PHC2: variants seen among roughly 807,000 people sequenced by gnomAD.
The protein encoded by PHC2 is polyhomeotic-like protein 2.
PHC2 carries 29 observed loss-of-function variants against 87.4 expected under a neutral mutation model. That is an observed-to-expected ratio of 0.33 (90% CI 0.25 to 0.45). The LOEUF is 0.45. Ranked by LOEUF, PHC2 falls within the 20% of genes least tolerant of loss-of-function variation. The pLI, the probability that PHC2 is intolerant of heterozygous loss-of-function variation, is 1.00. For synonymous variants in PHC2, 438 were observed against 461.7 expected, an observed-to-expected ratio of 0.95 and a Z score of 0.66; for missense variants, 857 against 1,136.7, an observed-to-expected ratio of 0.75 and a Z score of 3.54.
At chr1:33,405,258 T>C (rs1649709004) in intron 1 of PHC2, among the ~76,000 whole-genome samples, 1 of 151,910 alleles carries the variant, frequency 6.6e-6, no homozygotes, top group African/African-American at 2.4e-5. Context: ...TGGCGCAATC[T>C]TGGCTCGCTG....
At chr1:33,400,711 C>A (rs1174708055) in intron 1 of PHC2, among the ~76,000 whole-genome samples, 12 of 152,162 alleles carry the variant, frequency 7.9e-5, no homozygotes, top group Non-Finnish European at 1.3e-4. Context: ...ACATCCACAT[C>A]TATACATATG....
intron 1 of PHC2, among the ~76,000 whole-genome samples, chr1:33,386,220 T>TA (rs1047711633): frequency 8.6e-5 from 13 of 150,766 alleles, no homozygotes; most frequent in African/African-American, 2.9e-4. Context: ...AAGACTGCTA[T>TA]AAAAAAAAGA....
intron 1 of PHC2, among the ~76,000 whole-genome samples, chr1:33,406,619 T>C (rs1286103976): frequency 1.3e-5 from 2 of 152,196 alleles, no homozygotes; most frequent in African/African-American, 2.4e-5. Context: ...AGTATGACAA[T>C]CTTTGTCTTT....
chr1:33,386,848 C>G (rs1648786204), intron 1 of PHC2, among the ~76,000 whole-genome samples: 1 of 152,182 alleles, frequency 6.6e-6, no homozygotes, highest in African/African-American at 2.4e-5. Flanking sequence ...ACAGCACATA[C>G]ACAAAGTGCA....
At chr1:33,408,601 C>T (rs551808925) in intron 1 of PHC2, among the ~76,000 whole-genome samples, 1 of 152,256 alleles carries the variant, frequency 6.6e-6, no homozygotes, top group African/African-American at 2.4e-5. Flanking sequence ...GCTGGGACTA[C>T]AGGCATGTGC....
intron 9 of PHC2, among the ~76,000 whole-genome samples, chr1:33,350,869 G>A (rs941037520): frequency 5.3e-5 from 8 of 151,934 alleles, no homozygotes; most frequent in African/African-American, 1.9e-4. Flanking sequence ...CTCTGCCTCT[G>A]CATTTCTTAC....
chr1:33,325,962 C>T (rs1298556666), intron 14 of PHC2: 1 of 449,256 alleles, frequency 2.2e-6, no homozygotes, highest in Non-Finnish European at 4.5e-6. Context: ...CTGGGGAGGC[C>T]TAAAGGAAAG....
At chr1:33,351,032 C>T (rs2148269492) in intron 9 of PHC2, among the ~76,000 whole-genome samples, 1 of 152,298 alleles carries the variant, frequency 6.6e-6, no homozygotes, top group Non-Finnish European at 1.5e-5. Flanking sequence ...CAGGTCCTAC[C>T]TATCCTTCAA....
rs1647047266 is a variant in PHC2, at chr1:33,355,149, G to T, written c.1081C>A (p.Pro361Thr). ...QQQPQPQQQQPPPQQSRPVLQ... is the reference protein window; with the variant it reads ...QQQPQPQQQQTPPQQSRPVLQ... ...ACAGGCCGTGACTGCTGGGGCGGCG[G>T]CTGCTGCTGTTGTGGCTGTGGCTGC... Residue 361 changes from proline (P) to threonine (T), a missense_variant, in exon 8 of 15, where the codon CCG becomes ACG. By Grantham distance (38) the Pro-to-Thr change is conservative. Coordinates refer to ENST00000683057, the MANE Select transcript of PHC2 (RefSeq NM_001385109.1). 1.2e-6 allele frequency: 2 copies of T among 1,608,330 alleles called. No homozygotes were observed. Among genetic ancestry groups the T allele is most frequent in the Non-Finnish European group, 1.7e-6 (2 of 1,178,728 alleles).
At chr1:33,377,154 C>T (rs1205138182) in intron 1 of PHC2, among the ~76,000 whole-genome samples, 2 of 152,220 alleles carry the variant, frequency 1.3e-5, no homozygotes, top group South Asian at 2.1e-4. Flanking sequence ...TGGCATGTCA[C>T]ACCTGTCTGA....
At position 33,355,085 on chromosome 1, in the gene PHC2, G is replaced by C. The variant is rs759072376; in HGVS notation, c.1145C>G (p.Ser382Cys). The change falls in exon 8 of 15, where the codon TCT (serine) becomes TGT (cysteine). Residue 382 changes from serine to cysteine, a missense_variant. This residue lies in a region of PHC2 where 832 missense variants were observed against 1,081.8 expected (regional missense o/e 0.77). Transcript: ENST00000683057. ...GCTGGGCTGGAGGGCCACGCTTGGA[G>C]AGACTGAGGCGAGCTGGGGGTGGGG... ...AEPHPQLASV[S>C]PSVALQPSSE... 2 of 1,612,602 alleles carry C rather than the reference G, an allele frequency of 1.2e-6. No individual in the cohort carries two copies. The highest frequency in any genetic ancestry group is 3.3e-5 in the Admixed American group (2 of 59,806).
chr1:33,330,301 A>G, intron 12 of PHC2, 89 bp from the exon 13 acceptor site: 1 of 1,421,092 alleles, frequency 7.0e-7, no homozygotes, highest in South Asian at 1.2e-5. Flanking sequence ...TGTCTGACAA[A>G]TTTTGAGTCC....
In PHC2 at chr1:33,375,570, G is replaced by A. The variant is rs79317915; in HGVS notation, c.-31C>T. On this transcript the variant is annotated 5_prime_UTR_variant, in exon 2 of 15. Transcript: ENST00000683057. ...GCAGTGTGGCGCAGTCAGGGCGCTCGGATGGCAGAAGGGCAGGCAGATGCT... is the reference window on the plus strand; with the variant it reads ...GCAGTGTGGCGCAGTCAGGGCGCTCAGATGGCAGAAGGGCAGGCAGATGCT... The A allele has an allele frequency of 6.2e-4, 902 of 1,455,982 alleles. 8 individuals are homozygous for A. In the East Asian group the frequency reaches 0.016, roughly 25 times the overall value. The allele number at this position is 1,455,982 out of a possible 1,614,324, so 90.2% of individuals were successfully genotyped here.
Position 33,375,511 on chromosome 1 carries a change from G to T in PHC2, c.29C>A (p.Thr10Lys). 6.2e-7 allele frequency: 1 copy of T among 1,601,086 alleles called. No homozygotes were observed. Residue 10 changes from threonine to lysine, a missense_variant, in exon 2 of 15, where the codon ACA becomes AAA. Around this residue, in one of 3 missense-constraint regions of PHC2, gnomAD observed 832 missense variants for 1,081.8 expected, o/e 0.77. Transcript: ENST00000683057. Reference protein sequence around the residue: MENELPVPHTSSSACATSST... With the variant: MENELPVPHKSSSACATSST... The stretch of plus-strand genomic sequence containing the variant: ...GCTGGTGGCACAGGCACTGCTAGAT[G>T]TATGTGGGACTGGCAGCTCATTCTC...
At chr1:33,420,830 C>T (rs931850051) in intron 1 of PHC2, among the ~76,000 whole-genome samples, 1 of 151,992 alleles carries the variant, frequency 6.6e-6, no homozygotes, top group Non-Finnish European at 1.5e-5. Context: ...AGATTAGTCT[C>T]AAACTCTTGA....
chr1:33,424,885 A>C (rs1292915528), intron 1 of PHC2, among the ~76,000 whole-genome samples: 1 of 152,218 alleles, frequency 6.6e-6, no homozygotes, highest in African/African-American at 2.4e-5. Flanking sequence ...GGGTCACATG[A>C]AATGATGAAT....
chr1:33,415,587 A>G (rs1033442415), intron 1 of PHC2, among the ~76,000 whole-genome samples: 1 of 152,246 alleles, frequency 6.6e-6, no homozygotes, highest in Non-Finnish European at 1.5e-5. Context: ...TCAAGAATAT[A>G]AAGTTAACAA....
At chr1:33,359,614 T>G (rs1240205764) in intron 7 of PHC2, among the ~76,000 whole-genome samples, 1 of 152,116 alleles carries the variant, frequency 6.6e-6, no homozygotes, top group Non-Finnish European at 1.5e-5. Flanking sequence ...AGATTACAGT[T>G]TAGTAAAAGA....
In PHC2 at chr1:33,330,094, G is replaced by A. The variant is rs1646458080; in HGVS notation, c.2125C>T (p.Leu709Phe). Residue 709 changes from leucine (L) to phenylalanine (F), a missense_variant, in exon 13 of 15, where the codon CTT becomes TTT. By Grantham distance (22) the Leu-to-Phe change is conservative (BLOSUM62 0). This residue lies in a region of PHC2 where 832 missense variants were observed against 1,081.8 expected (regional missense o/e 0.77). Transcript: ENST00000683057. The part of the protein sequence containing the change: ...RRASKASLPP[L>F]TKDTKKQPTG... The stretch of plus-strand genomic sequence containing the variant: ...ACCTGCTTCTTGGTATCCTTGGTAA[G>A]TGGTGGCAGACTGGCTTTGCTGGCC... 6 of 1,613,990 alleles carry A rather than the reference G, an allele frequency of 3.7e-6. No individual in the cohort carries two copies. Among genetic ancestry groups the A allele is most frequent in the Non-Finnish European group, 5.1e-6 (6 of 1,180,014 alleles).
Sources: gnomAD v4.1 joint callset for allele counts (sites outside exome capture counted in the v4.1 genomes callset) on GRCh38, gnomAD v4.1.1 for gene constraint, gnomAD v4.1.1 regional missense constraint, MANE v1.5 for transcripts, NCBI Gene and HGNC (gene_info 2026-07-23, HGNC 2026-07-21) for gene names.